The following ANHX variants were observed in gnomAD, a reference collection of about 807,000 sequenced individuals.
ANHX encodes the protein anomalous homeobox protein.
In ANHX, 20 loss-of-function variants were observed where a neutral mutation model predicts 38.9. The observed-to-expected ratio is 0.51, with a 90% CI of 0.36 to 0.75. ANHX has a LOEUF of 0.75. Among genes scored for constraint, ANHX ranks in the 30% least tolerant of loss-of-function variants. The probability of loss-of-function intolerance (pLI) is 0.00; values close to 1 mark genes in which losing one functional copy is unlikely to be tolerated. For missense variants in ANHX, 475 were observed against 493.1 expected (o/e 0.96, Z 0.35); for synonymous variants, 185 against 203.1 (o/e 0.91, Z 0.76).
intron 4 of ANHX, 99 bp downstream of exon 4, chr12:133,227,725 G>A (rs1335833000): frequency 1.4e-5 from 19 of 1,392,544 alleles, no homozygotes; most frequent in South Asian, 2.7e-5. Context: ...GCACCCTGGC[G>A]GATGAGGCCA....
At chr12:133,226,652 T>C (rs1056379174) in intron 5 of ANHX, among the ~76,000 whole-genome samples, 1 of 152,206 alleles carries the variant, frequency 6.6e-6, no homozygotes, top group Non-Finnish European at 1.5e-5. Flanking sequence ...ACTTCTCAAA[T>C]TGACTCACCA....
At chr12:133,228,928 C>T (rs1199793209) in intron 3 of ANHX, among the ~76,000 whole-genome samples, 1 of 152,140 alleles carries the variant, frequency 6.6e-6, no homozygotes, top group African/African-American at 2.4e-5. Context: ...ACACCTGGAT[C>T]CTTGCACCTT....
chr12:133,233,851 A>T (rs1957322083), intron 2 of ANHX, among the ~76,000 whole-genome samples: 1 of 152,240 alleles, frequency 6.6e-6, no homozygotes, highest in Non-Finnish European at 1.5e-5. Flanking sequence ...TGCCTGTCAC[A>T]GATCACCACT....
intron 7 of ANHX, among the ~76,000 whole-genome samples, chr12:133,224,498 C>T (rs1268661861): frequency 1.3e-5 from 2 of 150,726 alleles, no homozygotes; most frequent in Non-Finnish European, 2.9e-5. Flanking sequence ...GCTGTCTCTA[C>T]TGAAAATACA....
At position 133,224,289 on chromosome 12, in the gene ANHX, A is replaced by G. The variant is rs572603795; in HGVS notation, c.1132+1247T>C. Among the ~76,000 whole-genome samples the G allele has an allele frequency of 5.3e-5, 8 of 150,016 alleles. No individual in the cohort carries two copies. In the South Asian group the frequency reaches 1.7e-3, roughly 31 times the overall value. On this transcript the variant is annotated intron_variant, in intron 7 of 9. Coordinates refer to ENST00000545940, the MANE Select transcript of ANHX (RefSeq NM_001372060.1). ...GATAAAAGCAGACAATGTAAAAAGA[A>G]AAAGGAAAGGCATGGAGAAGCTCCA... is the stretch of plus-strand genomic sequence containing the variant.
At chr12:133,222,385 G>C (rs765022198) in intron 7 of ANHX, among the ~76,000 whole-genome samples, 1 of 152,144 alleles carries the variant, frequency 6.6e-6, no homozygotes, top group South Asian at 2.1e-4. Flanking sequence ...CAAGGAGCTC[G>C]GGAGGGAGAG....
At chr12:133,227,197 A>G in intron 4 of ANHX, 45 bp from the exon 5 acceptor site, 1 of 1,505,916 alleles carries the variant, frequency 6.6e-7, no homozygotes, top group Non-Finnish European at 8.9e-7. Flanking sequence ...CCATTCCCTG[A>G]GGACAGGGGG....
intron 7 of ANHX, among the ~76,000 whole-genome samples, chr12:133,224,354 A>G (rs796939277): frequency 9.2e-5 from 14 of 152,322 alleles, no homozygotes; most frequent in African/African-American, 3.1e-4. Context: ...GTATATACCC[A>G]TAGAATATTA....
intron 5 of ANHX, 134 bp downstream of exon 5, chr12:133,226,802 T>C (rs535619535): frequency 4.4e-6 from 4 of 908,116 alleles, no homozygotes; most frequent in East Asian, 5.4e-5. Context: ...GTGATCTTGC[T>C]CCCACAGAGT....
chr12:133,224,877 G>T (rs1415616038), intron 7 of ANHX, among the ~76,000 whole-genome samples: 1 of 149,336 alleles, frequency 6.7e-6, no homozygotes, highest in Non-Finnish European at 1.5e-5. Context: ...TGAGGCAGGA[G>T]AATGGCGTGA....
rs921232916 is a variant in ANHX at position 133,227,931 on chromosome 12, A to AG, written c.393dup (p.Ser132LeufsTer18). 1 of 428,632 alleles carries AG rather than the reference A, an allele frequency of 2.3e-6. No homozygotes were observed. Among genetic ancestry groups the AG allele is most frequent in the Non-Finnish European group, 4.2e-6 (1 of 239,354 alleles). The allele number at this position is 428,632 out of a possible 1,614,324, so 26.6% of individuals were successfully genotyped here. On this transcript the variant is annotated frameshift_variant, in exon 4 of 10. Coordinates refer to ENST00000545940, the MANE Select transcript of ANHX (RefSeq NM_001372060.1). LOFTEE classifies it high-confidence loss of function. Reference sequence around the variant, plus strand: ...CTCTTCAGCCCCTCTGGGCAGAGGGAGGGGGGCGGGGGGTTCCTGGGTAAG... The same window carrying AG: ...CTCTTCAGCCCCTCTGGGCAGAGGGAGGGGGGGCGGGGGGTTCCTGGGTAAG...
At chr12:133,219,176 G>T in intron 9 of ANHX, 107 bp downstream of exon 9, 1 of 1,121,276 alleles carries the variant, frequency 8.9e-7, no homozygotes, top group Non-Finnish European at 1.3e-6. Context: ...GTTTATCTTT[G>T]CCTGGTGTAT....
At chr12:133,228,013 C>T in intron 3 of ANHX, 66 bp from the exon 4 acceptor site, 2 of 1,515,102 alleles carry the variant, frequency 1.3e-6, no homozygotes, top group Non-Finnish European at 8.8e-7. Context: ...CTTCTCCAGG[C>T]CTGGCCCTCT....
At chr12:133,234,994 A>G (rs1957344182) in intron 1 of ANHX, 1 of 152,558 alleles carries the variant, frequency 6.6e-6, no homozygotes, top group African/African-American at 2.4e-5. Context: ...GTGTTGCCAA[A>G]CTGCTTTCCA....
intron 2 of ANHX, among the ~76,000 whole-genome samples, chr12:133,232,050 C>A (rs1056793550): frequency 5.3e-5 from 8 of 151,954 alleles, no homozygotes; most frequent in African/African-American, 1.9e-4. Flanking sequence ...TTTTGGCCAA[C>A]AGCAAAGGGG....
At chr12:133,227,978 G>C (rs1469602339) in intron 3 of ANHX, 31 bp from the exon 4 acceptor site, 2 of 1,534,408 alleles carry the variant, frequency 1.3e-6, no homozygotes, top group Non-Finnish European at 1.7e-6. Flanking sequence ...GGTGGTAACA[G>C]ACAGGACCCC....
rs1432897205 is a variant in ANHX, at chr12:133,227,061, T to C, written c.593A>G (p.His198Arg). Reference sequence around the variant, plus strand: ...TGTGGCCTGCTGGGCTGGCTTCATGTGCTGGGGAAGGGCTCTTTGGCGGCG... The same window carrying C: ...TGTGGCCTGCTGGGCTGGCTTCATGCGCTGGGGAAGGGCTCTTTGGCGGCG... ...YRRRQRALPQ[H>R]MKPAQQATAE... The change falls in exon 5 of 10, where the codon CAC (histidine) becomes CGC (arginine). Residue 198 changes from histidine (H) to arginine (R), a missense_variant. By Grantham distance (29) the His-to-Arg change is conservative. Transcript: ENST00000545940. The C allele has an allele frequency of 6.5e-7, 1 of 1,535,976 alleles. No homozygotes were observed. The highest frequency in any genetic ancestry group is 8.7e-7 in the Non-Finnish European group (1 of 1,146,886).
chr12:133,229,559 A>G (rs2135569352), intron 3 of ANHX, among the ~76,000 whole-genome samples: 1 of 151,796 alleles, frequency 6.6e-6, no homozygotes, highest in Non-Finnish European at 1.5e-5. Flanking sequence ...CAAACCCCCC[A>G]GCTCCACCTC....
chr12:133,220,915 G>T (rs1474276479), intron 8 of ANHX, among the ~76,000 whole-genome samples: 1 of 152,200 alleles, frequency 6.6e-6, no homozygotes, highest in East Asian at 1.9e-4. Flanking sequence ...TGTTTGTTCA[G>T]GGAAAAGAAA....
Sources: allele counts gnomAD v4.1 joint callset (sites outside exome capture counted in the v4.1 genomes callset), GRCh38; gene constraint gnomAD v4.1.1; transcripts MANE v1.5; gene names NCBI Gene and HGNC (gene_info 2026-07-23, HGNC 2026-07-21).